Variants in TLE7 observed in about 807,000 individuals in gnomAD.
TLE7 encodes the protein TLE family member 7.
At chr16:71,441,807 C>G (rs2042849887) in intron 1 of TLE7, among the ~76,000 whole-genome samples, 162 bp downstream of exon 1, 1 of 152,240 alleles carries the variant, frequency 6.6e-6, no homozygotes, top group Non-Finnish European at 1.5e-5. Context: ...CAGACAGGCC[C>G]TCGGGCGCTC....
rs112079141 is a variant in TLE7, at chr16:71,433,882, G to A, written c.-96-462C>T. Among the ~76,000 whole-genome samples, 234 of 152,288 alleles carry A rather than the reference G, an allele frequency of 1.5e-3. 4 individuals carry two copies. Among genetic ancestry groups the A allele is most frequent in the South Asian group, 0.015 (70 of 4,824 alleles). On this transcript the variant is annotated intron_variant, in intron 1 of 9. Coordinates refer to ENST00000561754, the MANE Select transcript of TLE7 (RefSeq NM_001367365.2). ...CTGAGGCAGGAGAATCACTTGAACAGAGGAGGCGGAGGTTGCACTGAGGTG... is the reference window on the plus strand; with the variant it reads ...CTGAGGCAGGAGAATCACTTGAACAAAGGAGGCGGAGGTTGCACTGAGGTG...
At chr16:71,433,773 C>A (rs1253197138) in intron 1 of TLE7, among the ~76,000 whole-genome samples, 1 of 152,060 alleles carries the variant, frequency 6.6e-6, no homozygotes, top group Non-Finnish European at 1.5e-5. Flanking sequence ...GCCTGGCCAA[C>A]ATTGTGAAAC....
At chr16:71,434,861 C>T (rs2042820263) in intron 1 of TLE7, among the ~76,000 whole-genome samples, 1 of 152,162 alleles carries the variant, frequency 6.6e-6, no homozygotes. Flanking sequence ...CCTAGTACTT[C>T]CACTTCTAAA....
rs1596985318 is a variant in TLE7, at chr16:71,433,466, T to C, written c.-96-46A>G. The C allele has an allele frequency of 7.5e-6, 3 of 397,490 alleles. No homozygotes were observed. The East Asian group carries it at 1.1e-4, about 14-fold the overall frequency. 24.6% of individuals were successfully genotyped at this position (397,490 alleles called of 1,614,324 possible). The stretch of plus-strand genomic sequence containing the variant: ...GACGCAGCTATGCACATGTGCTCTG[T>C]AGGGTCTCTTTAGAAGGGGCAGAGA... On this transcript the variant is annotated intron_variant, in intron 1 of 9. Coordinates refer to ENST00000561754, the MANE Select transcript of TLE7 (RefSeq NM_001367365.2).
In TLE7 at chr16:71,433,114, T is replaced by C. The variant is rs1204100425; in HGVS notation, c.211A>G (p.Thr71Ala). 1.3e-5 allele frequency: 5 copies of C among 398,648 alleles called. No individual in the cohort carries two copies. Among genetic ancestry groups the C allele is most frequent in the Non-Finnish European group, 2.2e-5 (5 of 226,228 alleles). 24.7% of individuals were successfully genotyped at this position (398,648 alleles called of 1,614,324 possible). ...SPADQETSTV[T>A]QQQWHLQGLG... is the part of the protein sequence containing the mutation. ...CCCTGGAGGTGCCACTGCTGCTGGG[T>C]CACCGTGCTTGTCTCTTGATCAGCA... Residue 71 changes from threonine to alanine, a missense_variant, in exon 2 of 10, where the codon ACC (threonine) becomes GCC (alanine). Physicochemically the swap from Thr to Ala is moderately conservative, Grantham distance 58. Transcript: ENST00000561754.
intron 1 of TLE7, among the ~76,000 whole-genome samples, chr16:71,438,806 G>C (rs1192668482): frequency 1.3e-5 from 2 of 152,130 alleles, no homozygotes; most frequent in Non-Finnish European, 2.9e-5. Context: ...TAACCAGATG[G>C]ACAGAGAGTG....
chr16:71,438,175 G>C (rs543055796), intron 1 of TLE7, among the ~76,000 whole-genome samples: 1 of 152,136 alleles, frequency 6.6e-6, no homozygotes, highest in Non-Finnish European at 1.5e-5. Context: ...GTTCACAGCC[G>C]TAATCCCAGC....
chr16:71,437,432 GAGGA>G (rs1033913590), intron 1 of TLE7, among the ~76,000 whole-genome samples: 2 of 148,458 alleles, frequency 1.3e-5, no homozygotes, highest in South Asian at 2.2e-4. Flanking sequence ...AAGAAACAAA[GAGGA>G]AGGAAGGAAG....
At chr16:71,436,088 A>G (rs1330631493) in intron 1 of TLE7, among the ~76,000 whole-genome samples, 1 of 152,082 alleles carries the variant, frequency 6.6e-6, no homozygotes, top group Non-Finnish European at 1.5e-5. Context: ...CTCTTACCAG[A>G]CAACTCTCTT....
intron 4 of TLE7, among the ~76,000 whole-genome samples, 166 bp from the exon 5 acceptor site, chr16:71,432,491 T>A (rs1311136182): frequency 6.6e-6 from 1 of 152,162 alleles, no homozygotes; most frequent in Non-Finnish European, 1.5e-5. Flanking sequence ...AATGACACTG[T>A]GAGCTGAAGA....
chr16:71,436,139 C>T (rs1042269492), intron 1 of TLE7, among the ~76,000 whole-genome samples: 7 of 152,078 alleles, frequency 4.6e-5, no homozygotes, highest in African/African-American at 1.7e-4. Context: ...CTCACTCAAA[C>T]CCCCCATGGC....
At chr16:71,439,661 T>A (rs576939755) in intron 1 of TLE7, among the ~76,000 whole-genome samples, 2 of 152,166 alleles carry the variant, frequency 1.3e-5, no homozygotes, top group African/African-American at 2.4e-5. Context: ...CAAAGCCACA[T>A]GTAATAGATC....
intron 1 of TLE7, among the ~76,000 whole-genome samples, chr16:71,437,507 C>A (rs976772169): frequency 6.6e-6 from 1 of 151,284 alleles, no homozygotes; most frequent in Non-Finnish European, 1.5e-5. Flanking sequence ...ATTCAGTAGG[C>A]ATGGGTGGGG....
chr16:71,436,028 G>C (rs776053084), intron 1 of TLE7, among the ~76,000 whole-genome samples: 28 of 152,110 alleles, frequency 1.8e-4, no homozygotes, highest in Non-Finnish European at 3.1e-4. Context: ...CAGTATCACC[G>C]ATTCCCTTCT....
rs2042803473 is a variant in TLE7 at position 71,431,526 on chromosome 16, C to G, written c.888G>C (p.Val296=). Residue 296 remains valine, a synonymous_variant, in exon 7 of 10, where the codon GTG becomes GTC. Coordinates refer to ENST00000561754, the MANE Select transcript of TLE7 (RefSeq NM_001367365.2). The surrounding 1 kb of genome is among the most constrained non-coding windows in gnomAD (Gnocchi z 4.5). ...HEVPVYGSRC[V]DITGNIFWTG... ...TCCAGAATATATTGCCGGTGATGTCCACACATCGGGACCCGTATACAGGAA... is the reference window on the plus strand; with the variant it reads ...TCCAGAATATATTGCCGGTGATGTCGACACATCGGGACCCGTATACAGGAA... 2.5e-6 allele frequency: 1 copy of G among 400,782 alleles called. No homozygotes were observed. The highest frequency in any genetic ancestry group is 2.0e-5 in the African/African-American group (1 of 48,806). 24.8% of individuals were successfully genotyped at this position (400,782 alleles called of 1,614,324 possible).
At chr16:71,435,236 C>T (rs978118673) in intron 1 of TLE7, among the ~76,000 whole-genome samples, 6 of 152,172 alleles carry the variant, frequency 3.9e-5, no homozygotes, top group African/African-American at 7.2e-5. Flanking sequence ...CAAGGTGAAA[C>T]GCTGTCTCTA....
chr16:71,441,918 G>C (rs1230060190), intron 1 of TLE7, 51 bp downstream of exon 1: 1 of 152,296 alleles, frequency 6.6e-6, no homozygotes, highest in Non-Finnish European at 1.5e-5. Flanking sequence ...GGCCGATGGC[G>C]GGGTGGGGAC....
At chr16:71,441,497 G>C (rs2042848059) in intron 1 of TLE7, among the ~76,000 whole-genome samples, 1 of 152,248 alleles carries the variant, frequency 6.6e-6, no homozygotes, top group Admixed American at 6.5e-5. Context: ...GCCGTGGGCA[G>C]CTGTGACAGG....
At chr16:71,439,384 T>C (rs1015338235) in intron 1 of TLE7, among the ~76,000 whole-genome samples, 12 of 151,932 alleles carry the variant, frequency 7.9e-5, no homozygotes, top group Admixed American at 5.2e-4. Context: ...ATTTTAGCAA[T>C]TGGGAGAATT....
Sources: allele counts gnomAD v4.1 joint callset (sites outside exome capture counted in the v4.1 genomes callset), GRCh38; gene constraint gnomAD v4.1.1; non-coding constraint Gnocchi (gnomAD v3.1); transcripts MANE v1.5; gene names NCBI Gene and HGNC (gene_info 2026-07-23, HGNC 2026-07-21).